The following PTPRD variants were observed in gnomAD, a reference collection of about 807,000 sequenced individuals.
PTPRD encodes the protein receptor-type tyrosine-protein phosphatase delta.
A neutral mutation model predicts 214.5 loss-of-function variants in PTPRD; 34 were observed. The ratio of observed to expected loss-of-function variants is 0.16; its 90% CI spans 0.12 to 0.21. The LOEUF is 0.21. Among genes scored for constraint, PTPRD ranks in the 10% least tolerant of loss-of-function variants. The pLI, the probability that PTPRD is intolerant of heterozygous loss-of-function variation, is 1.00. For missense variants in PTPRD, 2,545 were observed against 2,398.7 expected, an observed-to-expected ratio of 1.06 and a Z score of -1.27; for synonymous variants, 1,128 against 845.7, an observed-to-expected ratio of 1.33 and a Z score of -5.79.
chr9:8,999,992 T>C (rs1321005899), intron 11 of PTPRD, among the ~76,000 whole-genome samples: 5 of 151,996 alleles, frequency 3.3e-5, no homozygotes, highest in Non-Finnish European at 5.9e-5. Context: ...TGATCAGACA[T>C]ATTAGTTTCC....
At chr9:8,745,246 G>A (rs1157931448) in intron 11 of PTPRD, among the ~76,000 whole-genome samples, 3 of 152,184 alleles carry the variant, frequency 2.0e-5, no homozygotes, top group East Asian at 1.9e-4. Context: ...TAGTCTCAGA[G>A]GAGGGCTTAG....
chr9:10,074,822 G>C (rs1488849570), intron 3 of PTPRD, among the ~76,000 whole-genome samples: 2 of 152,100 alleles, frequency 1.3e-5, no homozygotes, highest in African/African-American at 4.8e-5. Context: ...TCAATCCGAA[G>C]CCATCTGAAA....
intron 39 of PTPRD, among the ~76,000 whole-genome samples, chr9:8,365,471 C>A (rs756990062): frequency 1.8e-4 from 28 of 151,956 alleles, no homozygotes; most frequent in Non-Finnish European, 3.4e-4. Flanking sequence ...ATTCATAAAC[C>A]CTGTATTTTG....
intron 4 of PTPRD, among the ~76,000 whole-genome samples, chr9:9,949,415 G>C (rs891048502): frequency 6.6e-6 from 1 of 151,948 alleles, no homozygotes; most frequent in African/African-American, 2.4e-5. Context: ...TTTAAATTTA[G>C]TTGATTTTTA....
intron 2 of PTPRD, among the ~76,000 whole-genome samples, chr9:10,554,767 TCTC>T (rs1374158833): frequency 1.3e-5 from 2 of 152,172 alleles, no homozygotes; most frequent in Non-Finnish European, 2.9e-5. Flanking sequence ...TTCACGCCAT[TCTC>T]CTGCCTCAGC....
chr9:9,881,691 T>C (rs973728112), intron 5 of PTPRD, among the ~76,000 whole-genome samples: 4 of 152,154 alleles, frequency 2.6e-5, no homozygotes, highest in Admixed American at 6.6e-5. Flanking sequence ...GGTGCCACTT[T>C]ACCGCAACCG....
intron 11 of PTPRD, among the ~76,000 whole-genome samples, chr9:8,749,274 G>C (rs527690523): frequency 2.0e-5 from 3 of 152,186 alleles, no homozygotes; most frequent in Admixed American, 6.5e-5. Context: ...TTCCGCCTCC[G>C]GGTTCAAGCA....
Position 9,214,980 on chromosome 9 carries a change from A to G in PTPRD, c.-202-31617T>C, listed in dbSNP as rs182058382. Among the ~76,000 whole-genome samples the G allele has an allele frequency of 1.1e-3, 170 of 152,320 alleles. 1 individual carries two copies. The highest frequency in any genetic ancestry group is 3.7e-3 in the African/African-American group (154 of 41,580). ...TCTGGGTTCAGAGTCTATGCTCTTA[A>G]TCATGACATTCTGCTGCCTCTTGAA... On this transcript the variant is annotated intron_variant, in intron 9 of 45. Transcript: ENST00000381196.
chr9:9,948,628 G>T (rs1009470435), intron 4 of PTPRD, among the ~76,000 whole-genome samples: 2 of 152,098 alleles, frequency 1.3e-5, no homozygotes, highest in East Asian at 1.9e-4. Context: ...TTTCCCCAAA[G>T]GTTAAATTTT....
chr9:9,193,722 C>T (rs985256903), intron 9 of PTPRD, among the ~76,000 whole-genome samples: 2 of 152,152 alleles, frequency 1.3e-5, no homozygotes, highest in African/African-American at 2.4e-5. Context: ...AGGGCACTTA[C>T]CATGAATGGA....
Position 8,377,117 on chromosome 9 carries a change from G to C in PTPRD, c.4387-391C>G, listed in dbSNP as rs12345453. 8.8e-3 allele frequency among the ~76,000 whole-genome samples: 1,332 copies of C among 152,152 alleles called. 25 individuals carry two copies. Among genetic ancestry groups the C allele is most frequent in the African/African-American group, 0.03 (1,260 of 41,532 alleles). On this transcript the variant is annotated intron_variant, in intron 37 of 45. Transcript: ENST00000381196. Reference sequence around the variant, plus strand: ...CATTTAAACTACATGGTAAGATAGTGTTACTTCATCAAGATTTAAAAAGCA... The same window carrying C: ...CATTTAAACTACATGGTAAGATAGTCTTACTTCATCAAGATTTAAAAAGCA...
At chr9:8,916,749 T>C (rs1381637886) in intron 11 of PTPRD, among the ~76,000 whole-genome samples, 1 of 152,200 alleles carries the variant, frequency 6.6e-6, no homozygotes, top group Non-Finnish European at 1.5e-5. Context: ...TCATTCCCTC[T>C]AGAAAACCAT....
At chr9:9,162,607 G>T (rs1358806081) in intron 10 of PTPRD, among the ~76,000 whole-genome samples, 1 of 151,918 alleles carries the variant, frequency 6.6e-6, no homozygotes, top group Non-Finnish European at 1.5e-5. Flanking sequence ...CCACCTGCTT[G>T]CATCTCCATT....
chr9:8,790,906 A>C (rs548604362), intron 11 of PTPRD, among the ~76,000 whole-genome samples: 1 of 152,320 alleles, frequency 6.6e-6, no homozygotes, highest in East Asian at 1.9e-4. Flanking sequence ...CATTTAAAGT[A>C]CTCAACCGCC....
chr9:8,596,037 A>C (rs966925559), intron 14 of PTPRD, among the ~76,000 whole-genome samples: 4 of 152,198 alleles, frequency 2.6e-5, no homozygotes, highest in Non-Finnish European at 4.4e-5. Context: ...ATATGTCTTA[A>C]AGGCACAGGT....
rs1414753858 is a variant in PTPRD at position 9,572,579 on chromosome 9, A to ATG, written c.-237+2151_-237+2152dup. 3.5e-5 allele frequency among the ~76,000 whole-genome samples: 5 copies of ATG among 144,112 alleles called. No homozygotes were observed. The East Asian group carries it at 7.9e-4, about 23-fold the overall frequency. 94.5% of individuals were successfully genotyped at this position (144,112 alleles called of 152,430 possible). A position where few individuals can be genotyped will look rare whatever the true frequency, so the allele number is the denominator to read the frequency against. On this transcript the variant is annotated intron_variant, in intron 8 of 45. Coordinates refer to ENST00000381196, the MANE Select transcript of PTPRD (RefSeq NM_002839.4). ...TATATATGTATATATATATATATAT[A>ATG]TGTGTATATATATGTATATGTGTAT...
intron 11 of PTPRD, among the ~76,000 whole-genome samples, chr9:8,984,368 T>C (rs1238419715): frequency 2.6e-5 from 4 of 152,076 alleles, no homozygotes; most frequent in Non-Finnish European, 5.9e-5. Flanking sequence ...ATAAGTACGA[T>C]GAATCTTTAA....
chr9:10,607,143 T>C (rs555052126), intron 2 of PTPRD, among the ~76,000 whole-genome samples: 1 of 152,038 alleles, frequency 6.6e-6, no homozygotes, highest in African/African-American at 2.4e-5. Flanking sequence ...TTTTAGCATC[T>C]AATGTAAGTA....
At chr9:10,390,772 A>T (rs1365717195) in intron 2 of PTPRD, among the ~76,000 whole-genome samples, 1 of 151,672 alleles carries the variant, frequency 6.6e-6, no homozygotes, top group East Asian at 2.0e-4. Flanking sequence ...GCTTGCTCTT[A>T]TCTGATTTAT....
Sources: gnomAD v4.1 joint callset for allele counts (sites outside exome capture counted in the v4.1 genomes callset) on GRCh38, gnomAD v4.1.1 for gene constraint, MANE v1.5 for transcripts, NCBI Gene and HGNC (gene_info 2026-07-23, HGNC 2026-07-21) for gene names.